CLIP4: variants seen among roughly 807,000 people sequenced by gnomAD.
CLIP4 encodes CAP-Gly domain containing linker protein family member 4, also known as CAP-Gly domain-containing linker protein 4.
CLIP4 carries 47 observed loss-of-function variants against 73.1 expected under a neutral mutation model. The ratio of observed to expected loss-of-function variants is 0.64; its 90% CI spans 0.51 to 0.82. The LOEUF (loss-of-function observed/expected upper bound fraction) is 0.82, where lower values mean the gene tolerates loss of function less well. CLIP4 is among the 40% of genes least tolerant of loss of function. The pLI, the probability that CLIP4 is intolerant of heterozygous loss-of-function variation, is 0.00. For missense variants in CLIP4, 874 were observed against 852.9 expected (o/e 1.02, Z -0.31); for synonymous variants, 306 against 295.4 (o/e 1.04, Z -0.37).
At chr2:29,122,849 A>C (rs1664356412) in intron 2 of CLIP4, among the ~76,000 whole-genome samples, 1 of 150,106 alleles carries the variant, frequency 6.7e-6, no homozygotes, top group African/African-American at 2.5e-5. Context: ...AAAAAAAAAA[A>C]AGCATTGTAG....
chr2:29,107,379 T>TTTTTG (rs1558505027), intron 1 of CLIP4, among the ~76,000 whole-genome samples: 27 of 130,024 alleles, frequency 2.1e-4, no homozygotes, highest in African/African-American at 7.7e-4. Flanking sequence ...TTTTTTTTTT[T>TTTTTG]TTTTTTTTTT....
intron 15 of CLIP4, among the ~76,000 whole-genome samples, chr2:29,175,942 T>C (rs1410564950): frequency 6.6e-6 from 1 of 152,070 alleles, no homozygotes; most frequent in Non-Finnish European, 1.5e-5. Flanking sequence ...TTTGTATTTT[T>C]AGTAGAGACG....
intron 11 of CLIP4, 161 bp downstream of exon 11, chr2:29,157,508 TC>T: frequency 3.7e-6 from 4 of 1,078,750 alleles, no homozygotes; most frequent in Non-Finnish European, 5.4e-6. Context: ...AGCCTTAAGG[TC>T]TCTTTGTTTT....
At chr2:29,166,648 C>G (rs76352265) in intron 13 of CLIP4, among the ~76,000 whole-genome samples, 2 of 152,046 alleles carry the variant, frequency 1.3e-5, no homozygotes, top group Non-Finnish European at 2.9e-5. Flanking sequence ...CTGATTACTT[C>G]TAGAATTCAC....
intron 1 of CLIP4, among the ~76,000 whole-genome samples, chr2:29,109,136 C>A (rs1017118919): frequency 6.6e-6 from 1 of 152,066 alleles, no homozygotes; most frequent in South Asian, 2.1e-4. Flanking sequence ...GGTCAGAGTC[C>A]GTTTCAGTGG....
intron 2 of CLIP4, among the ~76,000 whole-genome samples, chr2:29,128,833 G>GC (rs1664784350): frequency 6.6e-6 from 1 of 151,752 alleles, no homozygotes; most frequent in Non-Finnish European, 1.5e-5. Context: ...TGACTGTCAC[G>GC]CTAGCATTCT....
intron 2 of CLIP4, among the ~76,000 whole-genome samples, chr2:29,128,120 CTAGT>C (rs1400008068): frequency 2.0e-5 from 3 of 151,612 alleles, no homozygotes; most frequent in South Asian, 2.1e-4. Flanking sequence ...TCAAATAAGC[CTAGT>C]TAGTTTCACA....
chr2:29,165,539 A>G (rs991007350), intron 13 of CLIP4, among the ~76,000 whole-genome samples: 7 of 152,202 alleles, frequency 4.6e-5, no homozygotes, highest in Admixed American at 6.5e-5. Context: ...GAAGAGCTTC[A>G]GGGACCTTCG....
chr2:29,153,520 A>T (rs534766734), intron 9 of CLIP4, among the ~76,000 whole-genome samples: 1 of 151,838 alleles, frequency 6.6e-6, no homozygotes, highest in South Asian at 2.1e-4. Context: ...ATACCACCCA[A>T]TTGTTATTTG....
chr2:29,168,492 A>G (rs1667772620), intron 14 of CLIP4, among the ~76,000 whole-genome samples: 1 of 149,100 alleles, frequency 6.7e-6, no homozygotes, highest in East Asian at 1.9e-4. Context: ...TCAAAATAGC[A>G]AAACAGGTTA....
At chr2:29,145,180 C>T in intron 7 of CLIP4, 52 bp from the exon 8 acceptor site, 1 of 1,536,140 alleles carries the variant, frequency 6.5e-7, no homozygotes, top group Non-Finnish European at 8.9e-7. Flanking sequence ...GAGTAGGACC[C>T]TTGGAATTAC....
At chr2:29,119,489 C>G (rs1664109709) in intron 1 of CLIP4, among the ~76,000 whole-genome samples, 1 of 152,080 alleles carries the variant, frequency 6.6e-6, no homozygotes, top group Admixed American at 6.5e-5. Flanking sequence ...AATCTTTTTG[C>G]TGAAGAATTA....
At position 29,131,408 on chromosome 2, in the gene CLIP4, C is replaced by T. The variant is rs1434790851; in HGVS notation, c.273+11C>T. 1 of 1,583,540 alleles carries T rather than the reference C, an allele frequency of 6.3e-7. No homozygotes were observed. The highest frequency in any genetic ancestry group is 8.5e-7 in the Non-Finnish European group (1 of 1,170,228). Reference sequence around the variant, plus strand: ...ATTATTGGAAATGAGGTAAGGAATTCTTACATTTTAAGTTTTGCATTGTTA... The same window carrying T: ...ATTATTGGAAATGAGGTAAGGAATTTTTACATTTTAAGTTTTGCATTGTTA... On this transcript the variant is annotated intron_variant, in intron 3 of 15. Coordinates refer to ENST00000320081, the MANE Select transcript of CLIP4 (RefSeq NM_024692.6).
intron 6 of CLIP4, among the ~76,000 whole-genome samples, chr2:29,142,133 A>C (rs1416645050): frequency 6.6e-6 from 1 of 152,136 alleles, no homozygotes. Flanking sequence ...TGTGGTAGCA[A>C]GTTTTATTCT....
rs569842827 is a variant in CLIP4, at chr2:29,106,941, C to A, written c.-16+8994C>A. Among the ~76,000 whole-genome samples, 8 of 152,220 alleles carry A rather than the reference C, an allele frequency of 5.3e-5. No individual in the cohort carries two copies. In the South Asian group the frequency reaches 1.5e-3, roughly 28 times the overall value. On this transcript the variant is annotated intron_variant, in intron 1 of 14. Coordinates refer to the CLIP4 transcript ENST00000401605. ...CACTTATTTTTTACCTTAACTATCC[C>A]CTGCTGTTTCAAATATGGTTAGGTG... is the stretch of plus-strand genomic sequence containing the variant.
At chr2:29,102,857 A>C (rs577690568) in intron 1 of CLIP4, among the ~76,000 whole-genome samples, 3 of 152,070 alleles carry the variant, frequency 2.0e-5, no homozygotes, top group Admixed American at 6.6e-5. Flanking sequence ...AACTCAAGTG[A>C]TCTGCCCACC....
At chr2:29,169,794 A>G (rs1399623395) in intron 14 of CLIP4, among the ~76,000 whole-genome samples, 1 of 152,100 alleles carries the variant, frequency 6.6e-6, no homozygotes, top group Non-Finnish European at 1.5e-5. Flanking sequence ...AAATATACTT[A>G]AATATACAAT....
intron 1 of CLIP4, among the ~76,000 whole-genome samples, chr2:29,100,223 C>A (rs964696616): frequency 6.6e-6 from 1 of 152,110 alleles, no homozygotes; most frequent in Admixed American, 6.5e-5. Context: ...AGCCACCATG[C>A]CTGGCCACAA....
At chr2:29,140,660 C>T (rs914977157) in intron 6 of CLIP4, among the ~76,000 whole-genome samples, 3 of 152,178 alleles carry the variant, frequency 2.0e-5, no homozygotes, top group African/African-American at 4.8e-5. Flanking sequence ...GCCACACTGA[C>T]TTCCACAATG....
Sources: allele counts gnomAD v4.1 joint callset (sites outside exome capture counted in the v4.1 genomes callset), GRCh38; gene constraint gnomAD v4.1.1; transcripts MANE v1.5; gene names NCBI Gene and HGNC (gene_info 2026-07-23, HGNC 2026-07-21).